PRELID2: variants seen among roughly 807,000 people sequenced by gnomAD.
The protein encoded by PRELID2 is PRELI domain containing 2, also known as PRELI domain-containing protein 2.
Under a neutral mutation model 28.4 loss-of-function variants are expected in PRELID2, and 25 were observed. The observed-to-expected ratio is 0.88, with a 90% CI of 0.64 to 1.23. The LOEUF (loss-of-function observed/expected upper bound fraction) is 1.23. Ranked by LOEUF, PRELID2 falls within the 50% of genes most tolerant of loss-of-function variation. PRELID2 has a pLI of 0.00. For missense variants in PRELID2, 201 were observed against 214.4 expected, an observed-to-expected ratio of 0.94 and a Z score of 0.39; for synonymous variants, 76 against 71.6, an observed-to-expected ratio of 1.06 and a Z score of -0.31.
rs1045650345 is a variant in PRELID2, at chr5:145,528,785, A to G, written n.71-55470T>C. ...CTCTCACTCACACACAAGAGAGACC[A>G]AAAGGGAAAATTAAATTTCCCCAGG... On this transcript the variant is annotated intron_variant and non_coding_transcript_variant, in intron 1 of 2. Transcript: ENST00000510259. Among the ~76,000 whole-genome samples, 3 of 151,926 alleles carry G rather than the reference A, an allele frequency of 2.0e-5. No homozygotes were observed. The East Asian group carries it at 5.8e-4, about 29-fold the overall frequency.
In PRELID2 at chr5:145,661,044, T is replaced by C. The variant is rs1177184917; in HGVS notation, n.70+103887A>G. On this transcript the variant is annotated intron_variant and non_coding_transcript_variant, in intron 1 of 2. Transcript: ENST00000510259. ...AAGTGCAGCATCACCTAATTCAAGATTGCCTTACATTGGGGCATATGAGGT... is the reference window on the plus strand; with the variant it reads ...AAGTGCAGCATCACCTAATTCAAGACTGCCTTACATTGGGGCATATGAGGT... Among the ~76,000 whole-genome samples the C allele has an allele frequency of 2.0e-5, 3 of 152,300 alleles. No individual in the cohort carries two copies. The East Asian group carries it at 5.8e-4, about 29-fold the overall frequency.
the PRELID2 span, among the ~76,000 whole-genome samples, chr5:145,254,796 G>A: frequency 5.9e-5 from 9 of 151,838 alleles, no homozygotes; most frequent in African/African-American, 1.9e-4. Context: ...CTGAGAGATG[G>A]GCAAGAGAAA....
At chr5:145,821,357 T>TTG (rs143970672) in intron 2 of PRELID2, among the ~76,000 whole-genome samples, 56 of 142,166 alleles carry the variant, frequency 3.9e-4, no homozygotes, top group South Asian at 9.2e-4. Context: ...GCCCTCGTGT[T>TTG]TGTGTGTGTG....
At chr5:145,646,171 T>C (rs62392283) in intron 1 of PRELID2, among the ~76,000 whole-genome samples, 6,235 of 152,236 alleles carry the variant, frequency 0.041, 273 homozygotes, top group African/African-American at 0.11. Context: ...AGGTACACCA[T>C]TCAAACGTAG....
intron 1 of PRELID2, among the ~76,000 whole-genome samples, chr5:145,628,209 C>G (rs902619951): frequency 3.3e-5 from 5 of 152,140 alleles, no homozygotes; most frequent in Admixed American, 3.3e-4. Flanking sequence ...ATCATTTCCT[C>G]TCTCCTCACC....
chr5:145,695,877 T>G (rs1421695116), intron 1 of PRELID2, among the ~76,000 whole-genome samples: 1 of 152,100 alleles, frequency 6.6e-6, no homozygotes, highest in African/African-American at 2.4e-5. Flanking sequence ...ATAGACTGAC[T>G]CTGATATAAT....
intron 1 of PRELID2, among the ~76,000 whole-genome samples, chr5:145,828,013 A>G (rs1561658017): frequency 6.6e-6 from 1 of 152,138 alleles, no homozygotes; most frequent in East Asian, 1.9e-4. Context: ...TGTTTCTGCA[A>G]TATTGTTTTT....
intron 1 of PRELID2, 139 bp downstream of exon 1, chr5:145,835,038 C>G: frequency 1.7e-6 from 1 of 602,314 alleles, no homozygotes; most frequent in Non-Finnish European, 3.0e-6. Flanking sequence ...AAATCCCTCT[C>G]GACCCACACA....
chr5:145,425,398 T>A, the PRELID2 span, among the ~76,000 whole-genome samples: 1 of 152,200 alleles, frequency 6.6e-6, no homozygotes, highest in Non-Finnish European at 1.5e-5. Context: ...AACAATCCCA[T>A]GACTGAGTAT....
At chr5:145,372,831 G>T in the PRELID2 span, among the ~76,000 whole-genome samples, 297 of 143,920 alleles carry the variant, frequency 2.1e-3, no homozygotes, top group African/African-American at 7.1e-3. Context: ...GGGGCATTCA[G>T]CTCATTTACA....
chr5:145,528,978 T>C (rs182862766), intron 1 of PRELID2, among the ~76,000 whole-genome samples: 143 of 152,286 alleles, frequency 9.4e-4, no homozygotes, highest in African/African-American at 3.2e-3. Flanking sequence ...ATCCCTAATC[T>C]TTCTAGACAT....
chr5:145,447,792 G>T, the PRELID2 span, among the ~76,000 whole-genome samples: 1 of 129,022 alleles, frequency 7.8e-6, no homozygotes, highest in South Asian at 2.7e-4. Flanking sequence ...CCCTACAAAG[G>T]ACATGAACTC....
the PRELID2 span, among the ~76,000 whole-genome samples, chr5:145,359,684 T>C: frequency 6.6e-6 from 1 of 152,332 alleles, no homozygotes; most frequent in Non-Finnish European, 1.5e-5. Context: ...ATTAGCCTCA[T>C]AGAACACTCT....
chr5:145,646,967 G>C (rs967508188), intron 1 of PRELID2, among the ~76,000 whole-genome samples: 2 of 152,174 alleles, frequency 1.3e-5, no homozygotes, highest in Non-Finnish European at 2.9e-5. Context: ...CCCACTGGGA[G>C]GTGTCTCCCA....
At chr5:145,740,807 A>G (rs1366865604) in intron 1 of PRELID2, among the ~76,000 whole-genome samples, 1 of 113,188 alleles carries the variant, frequency 8.8e-6, no homozygotes, top group Admixed American at 1.1e-4. Context: ...ATATATGTAT[A>G]TACATTATAC....
At chr5:145,403,363 C>A in the PRELID2 span, among the ~76,000 whole-genome samples, 1 of 152,052 alleles carries the variant, frequency 6.6e-6, no homozygotes, top group South Asian at 2.1e-4. Flanking sequence ...CATAGTGAGA[C>A]CCCATTTCCT....
the PRELID2 span, among the ~76,000 whole-genome samples, chr5:145,444,932 T>A: frequency 1.3e-5 from 2 of 152,050 alleles, no homozygotes; most frequent in Non-Finnish European, 2.9e-5. Flanking sequence ...AAAGAATTAA[T>A]ATTATGAAAA....
At chr5:145,637,820 T>C (rs1754024751) in intron 1 of PRELID2, among the ~76,000 whole-genome samples, 1 of 151,286 alleles carries the variant, frequency 6.6e-6, no homozygotes, top group South Asian at 2.1e-4. Flanking sequence ...CTTTTTTTTT[T>C]TTTTTTTTGA....
chr5:145,535,062 C>T (rs1752687566), intron 1 of PRELID2, among the ~76,000 whole-genome samples: 1 of 151,838 alleles, frequency 6.6e-6, no homozygotes, highest in Admixed American at 6.6e-5. Context: ...AATTATAGAC[C>T]TTGCATAGGC....
Sources: allele counts gnomAD v4.1 joint callset (sites outside exome capture counted in the v4.1 genomes callset), GRCh38; gene constraint gnomAD v4.1.1; transcripts MANE v1.5; gene names NCBI Gene and HGNC (gene_info 2026-07-23, HGNC 2026-07-21).